Variants in DOCK1 observed in about 807,000 individuals in gnomAD.
DOCK1 encodes the protein dedicator of cytokinesis protein 1.
A neutral mutation model predicts 262.7 loss-of-function variants in DOCK1; 138 were observed. The ratio of observed to expected loss-of-function variants is 0.53; its 90% CI spans 0.46 to 0.61. The LOEUF is 0.61. Ranked by LOEUF, DOCK1 falls within the 20% of genes least tolerant of loss-of-function variation. The pLI is 0.00. For synonymous variants in DOCK1, 866 were observed against 867.4 expected (o/e 1.00, Z 0.03); for missense variants, 1,908 against 2,370.7 (o/e 0.80, Z 4.05).
intron 29 of DOCK1, among the ~76,000 whole-genome samples, chr10:127,281,857 A>C (rs913116956): frequency 5.9e-5 from 9 of 152,164 alleles, no homozygotes; most frequent in African/African-American, 2.2e-4. Context: ...CCCATGGTAC[A>C]GGGAGGCAGG....
intron 23 of DOCK1, among the ~76,000 whole-genome samples, chr10:127,078,039 A>G (rs1395397260): frequency 6.6e-6 from 1 of 152,084 alleles, no homozygotes; most frequent in Non-Finnish European, 1.5e-5. Flanking sequence ...GAGAAAAGGA[A>G]TTTGGACGAG....
At chr10:127,294,032 C>G (rs1350519604) in intron 29 of DOCK1, among the ~76,000 whole-genome samples, 2 of 152,284 alleles carry the variant, frequency 1.3e-5, no homozygotes, top group Admixed American at 1.3e-4. Context: ...GGATATGCAG[C>G]TTGAGAAAGC....
chr10:127,186,648 G>A (rs1215722677), intron 27 of DOCK1, among the ~76,000 whole-genome samples: 2 of 151,728 alleles, frequency 1.3e-5, no homozygotes, highest in Non-Finnish European at 2.9e-5. Flanking sequence ...ACATATGAAT[G>A]AAATAGCTTT....
At chr10:127,432,393 T>C (rs1278985480) in intron 47 of DOCK1, among the ~76,000 whole-genome samples, 3 of 151,010 alleles carry the variant, frequency 2.0e-5, no homozygotes, top group Non-Finnish European at 4.4e-5. Context: ...AGGTCTTCTG[T>C]AGTTGATTGG....
intron 1 of DOCK1, among the ~76,000 whole-genome samples, chr10:126,948,978 G>C (rs912589956): frequency 5.9e-5 from 9 of 152,200 alleles, no homozygotes; most frequent in Admixed American, 2.0e-4. Flanking sequence ...CAGTGGCCCG[G>C]GCCCACCCCC....
At chr10:126,954,463 T>C (rs2036571138) in intron 1 of DOCK1, among the ~76,000 whole-genome samples, 1 of 152,238 alleles carries the variant, frequency 6.6e-6, no homozygotes, top group Non-Finnish European at 1.5e-5. Context: ...TGAACCATTT[T>C]TAGGTGTACA....
At chr10:127,364,999 T>C (rs1490049060) in intron 33 of DOCK1, among the ~76,000 whole-genome samples, 1 of 152,238 alleles carries the variant, frequency 6.6e-6, no homozygotes, top group Admixed American at 6.5e-5. Flanking sequence ...ACAAAGTCTT[T>C]GTATAAAGAC....
chr10:127,032,024 A>G (rs540727437), intron 17 of DOCK1, 113 bp from the exon 18 acceptor site: 18 of 1,310,366 alleles, frequency 1.4e-5, no homozygotes, highest in Middle Eastern at 2.0e-4. Flanking sequence ...TGTATTTAAT[A>G]TGATACAAAG....
intron 29 of DOCK1, among the ~76,000 whole-genome samples, chr10:127,284,961 T>C (rs1186189854): frequency 6.6e-6 from 1 of 151,954 alleles, no homozygotes; most frequent in East Asian, 1.9e-4. Flanking sequence ...AGTCAGACCT[T>C]GTCTCTACAA....
chr10:127,233,385 T>C (rs1466739779), intron 27 of DOCK1, among the ~76,000 whole-genome samples: 1 of 152,344 alleles, frequency 6.6e-6, no homozygotes, highest in Admixed American at 6.5e-5. Flanking sequence ...CAAACAAATA[T>C]ATAGCTACAA....
At chr10:127,142,017 C>A (rs562387849) in intron 27 of DOCK1, among the ~76,000 whole-genome samples, 99 of 152,314 alleles carry the variant, frequency 6.5e-4, no homozygotes, top group African/African-American at 2.2e-3. Flanking sequence ...TGGGTGGGGC[C>A]AGCAGGGTCT....
At chr10:127,186,961 T>A (rs1307045049) in intron 27 of DOCK1, among the ~76,000 whole-genome samples, 2 of 152,256 alleles carry the variant, frequency 1.3e-5, no homozygotes, top group African/African-American at 4.8e-5. Context: ...ATCAGGCACA[T>A]AGAGTTTTGA....
At chr10:127,399,948 G>A (rs2067125846) in intron 38 of DOCK1, among the ~76,000 whole-genome samples, 1 of 152,136 alleles carries the variant, frequency 6.6e-6, no homozygotes, top group Admixed American at 6.6e-5. Context: ...AGATATTCCA[G>A]GAATGGGAGG....
chr10:127,434,179 A>C (rs1328544904), intron 48 of DOCK1, among the ~76,000 whole-genome samples: 1 of 145,040 alleles, frequency 6.9e-6, no homozygotes, highest in Admixed American at 6.9e-5. Flanking sequence ...TCCCTTCCTC[A>C]TTTTTTTGGA....
At chr10:127,097,469 T>C (rs2047980485) in intron 23 of DOCK1, among the ~76,000 whole-genome samples, 1 of 152,198 alleles carries the variant, frequency 6.6e-6, no homozygotes, top group Admixed American at 6.5e-5. Flanking sequence ...GCTCAATGAA[T>C]GGTTGGGAGC....
chr10:127,123,476 A>G (rs1354297801), intron 25 of DOCK1, among the ~76,000 whole-genome samples: 1 of 152,186 alleles, frequency 6.6e-6, no homozygotes, highest in Non-Finnish European at 1.5e-5. Context: ...TGTGCTGAGG[A>G]AGCATTCCAG....
At chr10:127,018,233 A>G (rs1339028918) in intron 12 of DOCK1, among the ~76,000 whole-genome samples, 1 of 152,144 alleles carries the variant, frequency 6.6e-6, no homozygotes, top group African/African-American at 2.4e-5. Context: ...CTGCTCGCCC[A>G]GGTTGTGTGA....
intron 1 of DOCK1, among the ~76,000 whole-genome samples, chr10:126,917,619 C>T (rs2032654250): frequency 6.6e-6 from 1 of 152,194 alleles, no homozygotes. Context: ...CACTGCTGGC[C>T]TCATCACATT....
In DOCK1 at chr10:127,157,975, A is replaced by C. The variant is rs373020692; in HGVS notation, c.2847+30211A>C. Among the ~76,000 whole-genome samples the C allele has an allele frequency of 3.9e-5, 6 of 152,310 alleles. No individual in the cohort carries two copies. In the South Asian group the frequency reaches 1.2e-3, roughly 32 times the overall value. On this transcript the variant is annotated intron_variant, in intron 27 of 51. Transcript: ENST00000623213. ...TTTTATTAAGCACGAGAGTGTTCTC[A>C]ATAGAGGGCTTAAAACTATGTAATC... is the stretch of plus-strand genomic sequence containing the variant.
Sources: allele counts gnomAD v4.1 joint callset (sites outside exome capture counted in the v4.1 genomes callset), GRCh38; gene constraint gnomAD v4.1.1; transcripts MANE v1.5; gene names NCBI Gene and HGNC (gene_info 2026-07-23, HGNC 2026-07-21).